The following ATP10D variants were observed in gnomAD, a reference collection of about 807,000 sequenced individuals.
ATP10D encodes the protein phospholipid-transporting ATPase VD.
A neutral mutation model predicts 144.8 loss-of-function variants in ATP10D; 89 were observed. The observed-to-expected ratio is 0.61, with a 90% CI of 0.52 to 0.73. The LOEUF (loss-of-function observed/expected upper bound fraction) is 0.73, where lower values mean the gene tolerates loss of function less well. ATP10D is among the 30% of genes least tolerant of loss of function. The pLI is 0.00. For missense variants in ATP10D, 1,603 were observed against 1,714.8 expected (o/e 0.93, Z 1.15); for synonymous variants, 571 against 615.1 (o/e 0.93, Z 1.06).
intron 9 of ATP10D, among the ~76,000 whole-genome samples, chr4:47,543,217 T>C (rs1016664828): frequency 6.6e-6 from 1 of 152,234 alleles, no homozygotes; most frequent in South Asian, 2.1e-4. Flanking sequence ...ATCATAGGTA[T>C]GTATGTATAT....
Position 47,587,051 on chromosome 4 carries a change from C to T in ATP10D, c.3786C>T (p.Ser1262=). 1 of 1,613,964 alleles carries T rather than the reference C, an allele frequency of 6.2e-7. No homozygotes were observed. The highest frequency in any genetic ancestry group is 1.3e-5 in the African/African-American group (1 of 75,020). ...TTCACTTGCTGGTCATCATTGGTAG[C>T]ATCTTGTCTTATTTTTTATTTGCCA... ...TWIHLLVIIG[S]ILSYFLFAIV... is the part of the protein sequence containing the mutation. The change falls in exon 22 of 23, where the codon AGC becomes AGT. Residue 1262 remains serine (S), a synonymous_variant. Coordinates refer to ENST00000273859, the MANE Select transcript of ATP10D (RefSeq NM_020453.4).
intron 1 of ATP10D, among the ~76,000 whole-genome samples, chr4:47,493,169 A>G (rs756633551): frequency 6.6e-6 from 1 of 152,166 alleles, no homozygotes; most frequent in African/African-American, 2.4e-5. Context: ...TATTTCTTGT[A>G]TATAAGAAAA....
At chr4:47,501,046 A>G (rs537754596) in intron 1 of ATP10D, among the ~76,000 whole-genome samples, 73 of 151,596 alleles carry the variant, frequency 4.8e-4, no homozygotes, top group Non-Finnish European at 8.2e-4. Flanking sequence ...CAGAGTACAT[A>G]GAGCTTTACA....
chr4:47,512,856 C>T, intron 2 of ATP10D, 26 bp downstream of exon 2: 1 of 1,561,006 alleles, frequency 6.4e-7, no homozygotes, highest in Non-Finnish European at 8.7e-7. Flanking sequence ...TGAAGAAAAC[C>T]TTAGAATATC....
At chr4:47,568,783 G>T (rs937223611) in intron 15 of ATP10D, 54 bp from the exon 16 acceptor site, 14 of 1,469,192 alleles carry the variant, frequency 9.5e-6, no homozygotes, top group African/African-American at 1.4e-5. Context: ...AAATGTAACT[G>T]GTTCTGACAC....
At chr4:47,524,804 G>A (rs1285058891) in intron 4 of ATP10D, among the ~76,000 whole-genome samples, 2 of 152,052 alleles carry the variant, frequency 1.3e-5, no homozygotes, top group Admixed American at 6.6e-5. Context: ...ATTTTAGTGC[G>A]TCGAAAGAAC....
In ATP10D at chr4:47,536,522, G is replaced by C. The variant is rs755322897; in HGVS notation, c.1101G>C (p.Leu367Phe). The C allele has an allele frequency of 2.5e-6, 4 of 1,613,544 alleles. No homozygotes were observed. The highest frequency in any genetic ancestry group is 3.4e-6 in the Non-Finnish European group (4 of 1,179,658). The change falls in exon 8 of 23, where the codon TTG (leucine) becomes TTC (phenylalanine). Residue 367 changes from leucine to phenylalanine, a missense_variant. Transcript: ENST00000273859. ...ATGGACATATCATATCACCACTGTT[G>C]GCAGGATTTTATATGTTTTGGACCA... ...EPDGHIISPLLAGFYMFWTMI... is the reference protein window; with the variant it reads ...EPDGHIISPLFAGFYMFWTMI...
At chr4:47,549,164 T>G (rs2109437930) in intron 10 of ATP10D, among the ~76,000 whole-genome samples, 1 of 152,350 alleles carries the variant, frequency 6.6e-6, no homozygotes, top group East Asian at 1.9e-4. Flanking sequence ...CCAGTATGTT[T>G]ATGCATCTTT....
chr4:47,552,084 T>C (rs1385223266), intron 10 of ATP10D, among the ~76,000 whole-genome samples: 1 of 152,218 alleles, frequency 6.6e-6, no homozygotes, highest in Non-Finnish European at 1.5e-5. Context: ...CCTGACTTTC[T>C]AGATTTTTCC....
In ATP10D at chr4:47,592,255, G is replaced by A. The variant is rs1721083948; in HGVS notation, c.*874G>A. Reference sequence around the variant, plus strand: ...AAACTGACAGTAGCCTGATCAAAGTGATACAATCAATTTCAAAACAATCTT... The same window carrying A: ...AAACTGACAGTAGCCTGATCAAAGTAATACAATCAATTTCAAAACAATCTT... On this transcript the variant is annotated 3_prime_UTR_variant, in exon 23 of 23. Coordinates refer to ENST00000273859, the MANE Select transcript of ATP10D (RefSeq NM_020453.4). 6.6e-6 allele frequency: 1 copy of A among 152,504 alleles called. No homozygotes were observed. Among genetic ancestry groups the A allele is most frequent in the Non-Finnish European group, 1.5e-5 (1 of 67,996 alleles). The allele number at this position is 152,504 out of a possible 1,614,324, so 9.4% of individuals were successfully genotyped here.
At chr4:47,487,765 T>G (rs1271167478) in intron 1 of ATP10D, among the ~76,000 whole-genome samples, 2 of 152,210 alleles carry the variant, frequency 1.3e-5, no homozygotes, top group African/African-American at 4.8e-5. Flanking sequence ...GTTGTGGCCT[T>G]AATGGAATTT....
intron 3 of ATP10D, among the ~76,000 whole-genome samples, chr4:47,522,631 G>A (rs1254260282): frequency 2.6e-5 from 4 of 152,192 alleles, no homozygotes; most frequent in Non-Finnish European, 5.9e-5. Context: ...GTGCAGTGGT[G>A]TGATCTAGGC....
chr4:47,520,784 G>A (rs761909535), intron 3 of ATP10D, among the ~76,000 whole-genome samples: 2 of 152,050 alleles, frequency 1.3e-5, no homozygotes, highest in Non-Finnish European at 2.9e-5. Context: ...GGTCAGAATG[G>A]TCTCAATCTT....
intron 1 of ATP10D, among the ~76,000 whole-genome samples, chr4:47,487,632 T>C (rs1487095942): frequency 6.6e-6 from 1 of 152,244 alleles, no homozygotes; most frequent in Admixed American, 6.5e-5. Context: ...CCTCGTCAGT[T>C]ATTCCTTCGA....
At chr4:47,521,532 C>A (rs66800708) in intron 3 of ATP10D, among the ~76,000 whole-genome samples, 4,205 of 152,262 alleles carry the variant, frequency 0.028, 70 homozygotes, top group Middle Eastern at 0.068. Context: ...TGGCCATACT[C>A]CTAAATAAAC....
chr4:47,562,019 T>A (rs747028181), intron 14 of ATP10D, among the ~76,000 whole-genome samples: 4 of 152,150 alleles, frequency 2.6e-5, no homozygotes, highest in Admixed American at 6.5e-5. Context: ...GTAGTATAGG[T>A]CCACATTTCC....
intron 2 of ATP10D, among the ~76,000 whole-genome samples, chr4:47,515,242 T>C (rs1473356661): frequency 6.6e-6 from 1 of 152,168 alleles, no homozygotes; most frequent in Non-Finnish European, 1.5e-5. Flanking sequence ...ATTATAGCCG[T>C]GAGCCACCAC....
At chr4:47,510,486 C>T (rs1716266121) in intron 1 of ATP10D, among the ~76,000 whole-genome samples, 1 of 152,076 alleles carries the variant, frequency 6.6e-6, no homozygotes, top group Admixed American at 6.6e-5. Flanking sequence ...GAGAAGGAGA[C>T]CTAGAAATAC....
intron 11 of ATP10D, among the ~76,000 whole-genome samples, chr4:47,555,879 G>A (rs1718967569): frequency 6.6e-6 from 1 of 151,766 alleles, no homozygotes; most frequent in African/African-American, 2.4e-5. Context: ...TCAGCCTCCT[G>A]AGTTGCTGGG....
Sources: gnomAD v4.1 joint callset for allele counts (sites outside exome capture counted in the v4.1 genomes callset) on GRCh38, gnomAD v4.1.1 for gene constraint, MANE v1.5 for transcripts, NCBI Gene and HGNC (gene_info 2026-07-23, HGNC 2026-07-21) for gene names.